Variants in SLC16A14 observed in about 807,000 individuals in gnomAD.
SLC16A14 encodes monocarboxylate transporter 14.
Under a neutral mutation model 35.8 loss-of-function variants are expected in SLC16A14, and 14 were observed. The observed-to-expected ratio is 0.39, with a 90% CI of 0.26 to 0.61. SLC16A14 has a LOEUF of 0.61. SLC16A14 is among the 20% of genes least tolerant of loss of function. The probability of loss-of-function intolerance (pLI) is 0.51; values close to 1 mark genes in which losing one functional copy is unlikely to be tolerated. For synonymous variants in SLC16A14, 248 were observed against 258.9 expected (o/e 0.96, Z 0.40); for missense variants, 533 against 655.0 (o/e 0.81, Z 2.03).
chr2:230,054,084 G>GC (rs1553820339), intron 2 of SLC16A14, among the ~76,000 whole-genome samples: 15 of 52,194 alleles, frequency 2.9e-4, no homozygotes, highest in Non-Finnish European at 6.9e-4. Flanking sequence ...TGCAGCCTGA[G>GC]GTGGGGGGGG....
intron 4 of SLC16A14, among the ~76,000 whole-genome samples, chr2:230,040,115 G>C (rs2077548766): frequency 6.6e-6 from 1 of 151,840 alleles, no homozygotes. Flanking sequence ...GAGCACCCTA[G>C]GATCCCCTTT....
At position 230,059,334 on chromosome 2, in the gene SLC16A14, C is replaced by G; in HGVS notation, c.19G>C (p.Asp7His). 2 of 1,592,834 alleles carry G rather than the reference C, an allele frequency of 1.3e-6. No individual in the cohort carries two copies. The highest frequency in any genetic ancestry group is 1.7e-6 in the Non-Finnish European group (2 of 1,167,944). Residue 7 changes from aspartate to histidine, a missense_variant, in exon 2 of 5, where the codon GAT (aspartate) becomes CAT (histidine). Physicochemically the swap from Asp to His is moderately conservative, Grantham distance 81 (BLOSUM62 -1). Transcript: ENST00000295190. MYTSHE[D>H]IGYDFEDGPK... ...CCATCTTCAAAATCATACCCAATAT[C>G]TTCATGACTGGTATACATTTTCCAA...
In SLC16A14 at chr2:230,068,894, A is replaced by G. The variant is rs1249347704; in HGVS notation, c.-354T>C. ...CCAATCGGAGCAATTTCAAATCTTC[A>G]TGCTCGTTCATTCCTATACCGGCTA... is the stretch of plus-strand genomic sequence containing the variant. On this transcript the variant is annotated 5_prime_UTR_variant, in exon 1 of 5. The change abolishes an upstream ATG in the 5' untranslated region. Coordinates refer to ENST00000295190, the MANE Select transcript of SLC16A14 (RefSeq NM_152527.5). The surrounding 1 kb of genome is among the most constrained non-coding windows in gnomAD (Gnocchi z 5.1). 1 of 152,182 alleles carries G rather than the reference A, an allele frequency of 6.6e-6. No homozygotes were observed. The highest frequency in any genetic ancestry group is 1.5e-5 in the Non-Finnish European group (1 of 68,074). The allele number at this position is 152,182 out of a possible 1,614,324, so 9.4% of individuals were successfully genotyped here.
At chr2:230,059,739 G>C (rs149191711) in intron 1 of SLC16A14, among the ~76,000 whole-genome samples, 23 of 152,332 alleles carry the variant, frequency 1.5e-4, no homozygotes, top group African/African-American at 4.1e-4. Flanking sequence ...GATGGATACT[G>C]ACAGGTGACA....
At chr2:230,049,236 A>ATTTTTT (rs11420320) in intron 3 of SLC16A14, among the ~76,000 whole-genome samples, 5 of 141,534 alleles carry the variant, frequency 3.5e-5, no homozygotes, top group Non-Finnish European at 1.5e-5. Flanking sequence ...CACTTGGCTA[A>ATTTTTT]TTTTTTTTTT....
chr2:230,047,722 T>A (rs937632671), intron 3 of SLC16A14, among the ~76,000 whole-genome samples: 1 of 152,260 alleles, frequency 6.6e-6, no homozygotes, highest in Non-Finnish European at 1.5e-5. Context: ...AATTGCTAAA[T>A]GTAGATTTTA....
intron 2 of SLC16A14, among the ~76,000 whole-genome samples, chr2:230,056,308 G>A (rs1161330451): frequency 1.4e-5 from 2 of 143,964 alleles, no homozygotes. Context: ...AGGCTGGAGT[G>A]CAGTGGCGCC....
chr2:230,056,418 C>T (rs2077705240), intron 2 of SLC16A14, among the ~76,000 whole-genome samples: 1 of 152,058 alleles, frequency 6.6e-6, no homozygotes, highest in Non-Finnish European at 1.5e-5. Flanking sequence ...CCATGCCTGG[C>T]TAATTTTTTG....
In SLC16A14 at chr2:230,060,523, A is replaced by G. The variant is rs73109621; in HGVS notation, c.-14-1157T>C. On this transcript the variant is annotated intron_variant, in intron 1 of 4. Transcript: ENST00000295190. ...ATGCCTAGCTAATTTTCATATGTAT[A>G]TATGTATGTATGTATGTATGGAGAG... Among the ~76,000 whole-genome samples the G allele has an allele frequency of 6.3e-3, 953 of 151,088 alleles. 10 individuals are homozygous for G. Among genetic ancestry groups the G allele is most frequent in the African/African-American group, 0.022 (889 of 41,072 alleles).
chr2:230,054,083 A>AGT (rs2077684582), intron 2 of SLC16A14, among the ~76,000 whole-genome samples: 1 of 133,410 alleles, frequency 7.5e-6, no homozygotes. Context: ...GTGCAGCCTG[A>AGT]GGTGGGGGGG....
intron 4 of SLC16A14, among the ~76,000 whole-genome samples, chr2:230,043,840 C>G (rs1405629484): frequency 6.6e-6 from 1 of 152,234 alleles, no homozygotes; most frequent in Non-Finnish European, 1.5e-5. Context: ...CCTGACTTGC[C>G]TTTCCACGAA....
At chr2:230,054,070 C>A (rs749202825) in intron 2 of SLC16A14, among the ~76,000 whole-genome samples, 6 of 132,446 alleles carry the variant, frequency 4.5e-5, no homozygotes, top group Non-Finnish European at 6.4e-5. Flanking sequence ...GAGCCCATCC[C>A]AGGTGCAGCC....
Position 230,046,118 on chromosome 2 carries a change from G to C in SLC16A14, c.1008C>G (p.His336Gln). 6.2e-7 allele frequency: 1 copy of C among 1,614,012 alleles called. No individual in the cohort carries two copies. The highest frequency in any genetic ancestry group is 8.5e-7 in the Non-Finnish European group (1 of 1,179,858). ...AYSSFVIPFI[H>Q]LPEIVNLYNL... ...TATACAAATTGACGATTTCTGGGAGGTGAATGAAGGGGATGACAAAGCTGC... is the reference window on the plus strand; with the variant it reads ...TATACAAATTGACGATTTCTGGGAGCTGAATGAAGGGGATGACAAAGCTGC... Residue 336 changes from histidine to glutamine, a missense_variant, in exon 4 of 5, where the codon CAC (histidine) becomes CAG (glutamine). Transcript: ENST00000295190. This position sits in a 1 kb window ranked among gnomAD's most constrained non-coding sequence, Gnocchi z 5.0.
chr2:230,051,276 C>T (rs2077657653), intron 2 of SLC16A14, among the ~76,000 whole-genome samples: 1 of 152,184 alleles, frequency 6.6e-6, no homozygotes, highest in African/African-American at 2.4e-5. Context: ...ATCCTCCCAT[C>T]TCAGCCTCCT....
chr2:230,063,466 A>C (rs1193060645), intron 1 of SLC16A14, among the ~76,000 whole-genome samples: 3 of 152,060 alleles, frequency 2.0e-5, no homozygotes, highest in African/African-American at 7.2e-5. Context: ...GTTAATTTAT[A>C]ATAGTGAAAC....
chr2:230,054,083 A>AGGAG (rs144813112), intron 2 of SLC16A14, among the ~76,000 whole-genome samples: 1 of 133,402 alleles, frequency 7.5e-6, no homozygotes, highest in African/African-American at 2.8e-5. Context: ...GTGCAGCCTG[A>AGGAG]GGTGGGGGGG....
rs150848398 is a variant in SLC16A14, at chr2:230,046,598, A to G, written c.528T>C (p.Thr176=). 1.9e-6 allele frequency: 3 copies of G among 1,613,890 alleles called. No individual in the cohort carries two copies. Among genetic ancestry groups the G allele is most frequent in the Non-Finnish European group, 2.5e-6 (3 of 1,180,038 alleles). Reference sequence around the variant, plus strand: ...CTGCGCACAGGTACTTCAGCAGCACAGTCATTAGGAACGTACCGAATCCGG... The same window carrying G: ...CTGCGCACAGGTACTTCAGCAGCACGGTCATTAGGAACGTACCGAATCCGG... The part of the protein sequence containing the change: ...TGTGFGTFLM[T]VLLKYLCAEY... Residue 176 remains threonine (T), a synonymous_variant, in exon 4 of 5, where the codon ACT becomes ACC. Transcript: ENST00000295190. The surrounding 1 kb of genome is among the most constrained non-coding windows in gnomAD (Gnocchi z 5.0).
chr2:230,040,077 G>A (rs2077548511), intron 4 of SLC16A14, among the ~76,000 whole-genome samples: 1 of 151,962 alleles, frequency 6.6e-6, no homozygotes, highest in Non-Finnish European at 1.5e-5. Flanking sequence ...CCTTCTGGGT[G>A]GGATAGTAAT....
rs2077614188 is a variant in SLC16A14 at position 230,046,954 on chromosome 2, C to T, written c.404-232G>A. On this transcript the variant is annotated intron_variant, in intron 3 of 4. Transcript: ENST00000295190. This position sits in a 1 kb window ranked among gnomAD's most constrained non-coding sequence, Gnocchi z 5.0. ...CCATTTTCCCCAACAGGCTTTGCTG[C>T]ACAAGTTCCTCCAATAACAAAATGG... is the stretch of plus-strand genomic sequence containing the variant. Among the ~76,000 whole-genome samples the T allele has an allele frequency of 6.6e-6, 1 of 152,202 alleles. No homozygotes were observed. The highest frequency in any genetic ancestry group is 2.4e-5 in the African/African-American group (1 of 41,450).
Sources: allele counts gnomAD v4.1 joint callset (sites outside exome capture counted in the v4.1 genomes callset), GRCh38; gene constraint gnomAD v4.1.1; non-coding constraint Gnocchi (gnomAD v3.1); transcripts MANE v1.5; gene names NCBI Gene and HGNC (gene_info 2026-07-23, HGNC 2026-07-21).